Variants in FOXN3 observed in about 807,000 individuals in gnomAD.
FOXN3 encodes forkhead box protein N3.
In FOXN3, 7 loss-of-function variants were observed where a neutral mutation model predicts 38.4. The ratio of observed to expected loss-of-function variants is 0.18; its 90% confidence interval spans 0.10 to 0.34. FOXN3 has a LOEUF of 0.34. FOXN3 is among the 10% of genes least tolerant of loss of function. The pLI, the probability that FOXN3 is intolerant of heterozygous loss-of-function variation, is 1.00. For missense variants in FOXN3, 456 were observed against 613.4 expected, an observed-to-expected ratio of 0.74 and a Z score of 2.71; for synonymous variants, 230 against 242.2, an observed-to-expected ratio of 0.95 and a Z score of 0.47.
intron 1 of FOXN3, among the ~76,000 whole-genome samples, chr14:89,450,241 C>CT (rs1892588291): frequency 6.6e-6 from 1 of 152,222 alleles, no homozygotes; most frequent in Non-Finnish European, 1.5e-5. Flanking sequence ...ACCTGAATCT[C>CT]TGTCTCCTCT....
At position 89,572,713 on chromosome 14, in the gene FOXN3, G is replaced by T. The variant is rs560072657; in HGVS notation, c.-15+46315C>A. ...GCTGGTTAAACATGAAAGAACAGAG[G>T]TTGGGAACACAGAGGTGACAAATTT... On this transcript the variant is annotated intron_variant, in intron 1 of 6. Coordinates refer to the FOXN3 transcript ENST00000345097. Among the ~76,000 whole-genome samples, 4 of 152,342 alleles carry T rather than the reference G, an allele frequency of 2.6e-5. No individual in the cohort carries two copies. In the South Asian group the frequency reaches 8.3e-4, roughly 32 times the overall value.
rs73319291 is a variant in FOXN3, at chr14:89,167,204, A to C, written c.852-4235T>G. Reference sequence around the variant, plus strand: ...TAGTTGGAAAATATCAAACATAAAAAGAGAAATCACATTAGTTCAAACCCA... The same window carrying C: ...TAGTTGGAAAATATCAAACATAAAACGAGAAATCACATTAGTTCAAACCCA... On this transcript the variant is annotated intron_variant, in intron 5 of 5. Transcript: ENST00000557258. Among the ~76,000 whole-genome samples, 1,005 of 152,390 alleles carry C rather than the reference A, an allele frequency of 6.6e-3. 7 individuals are homozygous for C. Among genetic ancestry groups the C allele is most frequent in the African/African-American group, 0.023 (952 of 41,598 alleles).
intron 4 of FOXN3, among the ~76,000 whole-genome samples, chr14:89,277,154 C>A (rs542281165): frequency 6.6e-6 from 1 of 152,282 alleles, no homozygotes; most frequent in Non-Finnish European, 1.5e-5. Flanking sequence ...AGACTTTATT[C>A]TTTTCATTAA....
chr14:89,533,681 A>G (rs1894624515), intron 1 of FOXN3, among the ~76,000 whole-genome samples: 1 of 151,554 alleles, frequency 6.6e-6, no homozygotes, highest in African/African-American at 2.4e-5. Context: ...AAAAAAAAAA[A>G]AAAAAAAAAA....
intron 5 of FOXN3, among the ~76,000 whole-genome samples, chr14:89,171,426 G>A (rs191403672): frequency 2.0e-3 from 311 of 152,148 alleles, no homozygotes; most frequent in Non-Finnish European, 2.4e-3. Context: ...CCTTTTCTGA[G>A]GCTAATGTAA....
At chr14:89,466,308 G>A (rs1175710789) in intron 1 of FOXN3, among the ~76,000 whole-genome samples, 1 of 152,086 alleles carries the variant, frequency 6.6e-6, no homozygotes. Context: ...AGACCTCCCG[G>A]GGGCCGCCAT....
At chr14:89,430,713 G>A (rs1302363939) in intron 1 of FOXN3, among the ~76,000 whole-genome samples, 1 of 152,100 alleles carries the variant, frequency 6.6e-6, no homozygotes, top group African/African-American at 2.4e-5. Context: ...ACTTCCGTTA[G>A]CTCTTAGATC....
chr14:89,225,127 C>CAA (rs35426984), intron 4 of FOXN3, among the ~76,000 whole-genome samples: 26,673 of 101,882 alleles, frequency 0.26, 3,346 homozygotes, highest in East Asian at 0.43. Context: ...GACTCCATCT[C>CAA]AAAAAAAAAA....
intron 5 of FOXN3, among the ~76,000 whole-genome samples, chr14:89,167,894 G>A (rs1029185103): frequency 2.0e-5 from 3 of 152,208 alleles, no homozygotes; most frequent in African/African-American, 7.2e-5. Context: ...GAGGCAGGAA[G>A]GGAGCAGCAG....
intron 1 of FOXN3, among the ~76,000 whole-genome samples, chr14:89,570,001 A>AT (rs1430786572): frequency 6.8e-6 from 1 of 145,990 alleles, no homozygotes; most frequent in African/African-American, 2.6e-5. Context: ...GTCACTTGGT[A>AT]TGTTTTTTTT....
intron 1 of FOXN3, among the ~76,000 whole-genome samples, chr14:89,498,373 C>G (rs1185178189): frequency 2.6e-5 from 4 of 151,968 alleles, no homozygotes; most frequent in Non-Finnish European, 5.9e-5. Context: ...CAGGCACGTG[C>G]CACCACACCC....
intron 1 of FOXN3, among the ~76,000 whole-genome samples, chr14:89,428,576 C>T (rs1232917800): frequency 2.6e-5 from 4 of 152,328 alleles, no homozygotes; most frequent in East Asian, 3.9e-4. Flanking sequence ...AACAACCAGG[C>T]GTCCTTTTTA....
chr14:89,253,161 G>A (rs1422845030), intron 4 of FOXN3, among the ~76,000 whole-genome samples: 3 of 152,180 alleles, frequency 2.0e-5, no homozygotes, highest in Non-Finnish European at 4.4e-5. Flanking sequence ...GCTCATTAAG[G>A]CCTGATGCGA....
intron 1 of FOXN3, among the ~76,000 whole-genome samples, chr14:89,522,728 G>T (rs1894348206): frequency 1.3e-5 from 2 of 149,038 alleles, no homozygotes; most frequent in South Asian, 4.2e-4. Context: ...AATACACAAA[G>T]ATATATAGCT....
chr14:89,284,926 C>T (rs565774856), intron 3 of FOXN3, among the ~76,000 whole-genome samples: 4 of 152,136 alleles, frequency 2.6e-5, no homozygotes, highest in African/African-American at 9.7e-5. Context: ...CAGTAATTCC[C>T]GGATCCCACA....
intron 1 of FOXN3, among the ~76,000 whole-genome samples, chr14:89,581,500 G>A (rs2139911113): frequency 6.6e-6 from 1 of 151,046 alleles, no homozygotes; most frequent in East Asian, 1.9e-4. Flanking sequence ...AAAAAAAAGA[G>A]AAAGATAGAA....
At chr14:89,517,845 A>G (rs1894236802) in intron 1 of FOXN3, among the ~76,000 whole-genome samples, 1 of 152,164 alleles carries the variant, frequency 6.6e-6, no homozygotes, top group African/African-American at 2.4e-5. Context: ...GTGTTATCTA[A>G]GTGAATCAAA....
chr14:89,312,161 T>C (rs1311360976), intron 3 of FOXN3, among the ~76,000 whole-genome samples: 1 of 151,574 alleles, frequency 6.6e-6, no homozygotes, highest in Non-Finnish European at 1.5e-5. Flanking sequence ...GGCGGGCACC[T>C]GTAATCCCAG....
At chr14:89,590,519 G>A (rs746575378) in intron 1 of FOXN3, among the ~76,000 whole-genome samples, 18 of 152,212 alleles carry the variant, frequency 1.2e-4, no homozygotes, top group African/African-American at 1.9e-4. Flanking sequence ...CATCAGATAC[G>A]GAGAAAGTGG....
Sources: allele counts gnomAD v4.1 joint callset (sites outside exome capture counted in the v4.1 genomes callset), GRCh38; gene constraint gnomAD v4.1.1; transcripts MANE v1.5; gene names NCBI Gene and HGNC (gene_info 2026-07-23, HGNC 2026-07-21).